SNTB1: variants seen among roughly 807,000 people sequenced by gnomAD.
SNTB1 encodes beta-1-syntrophin.
Under a neutral mutation model 48.9 loss-of-function variants are expected in SNTB1, and 36 were observed. The ratio of observed to expected loss-of-function variants is 0.74; its 90% CI spans 0.56 to 0.97. The LOEUF is 0.97. SNTB1 is among the 50% of genes least tolerant of loss of function. The pLI is 0.00. For missense variants in SNTB1, 786 were observed against 703.4 expected, an observed-to-expected ratio of 1.12 and a Z score of -1.33; for synonymous variants, 299 against 294.6, an observed-to-expected ratio of 1.01 and a Z score of -0.15.
intron 3 of SNTB1, among the ~76,000 whole-genome samples, chr8:120,578,134 C>T (rs1331817215): frequency 6.6e-6 from 1 of 151,886 alleles, no homozygotes; most frequent in Non-Finnish European, 1.5e-5. Flanking sequence ...CTGGGGTTCA[C>T]GCCATTCTCC....
At chr8:120,631,341 A>C (rs1216033835) in intron 3 of SNTB1, among the ~76,000 whole-genome samples, 1 of 152,138 alleles carries the variant, frequency 6.6e-6, no homozygotes, top group East Asian at 1.9e-4. Context: ...GTTCTTTGAA[A>C]TCTTTGAGAG....
chr8:120,639,679 A>C (rs1328134023), intron 2 of SNTB1, among the ~76,000 whole-genome samples: 5 of 152,280 alleles, frequency 3.3e-5, no homozygotes, highest in African/African-American at 1.2e-4. Context: ...GTCAAAGATC[A>C]GATGGTTGTA....
chr8:120,594,217 C>A lies in SNTB1; in HGVS notation c.997-18992G>T, dbSNP rs141947096. Among the ~76,000 whole-genome samples the A allele has an allele frequency of 9.2e-3, 1,398 of 152,050 alleles. 12 individuals carry two copies. The highest frequency in any genetic ancestry group is 0.014 in the Non-Finnish European group (983 of 67,970). On this transcript the variant is annotated intron_variant, in intron 3 of 6. Transcript: ENST00000517992. ...TCGCTGGCACTACAGGGGCATCCCACCGCACTGAGCTATTATGTATGTATG... is the reference window on the plus strand; with the variant it reads ...TCGCTGGCACTACAGGGGCATCCCAACGCACTGAGCTATTATGTATGTATG...
At chr8:120,637,707 T>A in intron 2 of SNTB1, 1 of 444,598 alleles carries the variant, frequency 2.2e-6, no homozygotes, top group East Asian at 6.8e-5. Flanking sequence ...GCTGCACTTA[T>A]GCCTGTTGAA....
At chr8:120,791,123 T>G (rs1346481905) in intron 1 of SNTB1, among the ~76,000 whole-genome samples, 1 of 151,720 alleles carries the variant, frequency 6.6e-6, no homozygotes. Flanking sequence ...CATAGACCAT[T>G]GGAACAGACT....
intron 1 of SNTB1, among the ~76,000 whole-genome samples, chr8:120,703,280 A>C (rs1490128795): frequency 6.6e-6 from 1 of 152,198 alleles, no homozygotes; most frequent in Non-Finnish European, 1.5e-5. Flanking sequence ...GCGCAGCACC[A>C]CACCTGGCTG....
At chr8:120,795,546 T>G (rs1281747050) in intron 1 of SNTB1, among the ~76,000 whole-genome samples, 1 of 152,092 alleles carries the variant, frequency 6.6e-6, no homozygotes, top group East Asian at 1.9e-4. Context: ...TGCTAGAATT[T>G]AGTTACTATT....
intron 4 of SNTB1, among the ~76,000 whole-genome samples, chr8:120,558,040 C>T (rs1815595573): frequency 6.6e-6 from 1 of 152,172 alleles, no homozygotes; most frequent in South Asian, 2.1e-4. Flanking sequence ...TTTCACAAAT[C>T]GTCATTTGGA....
At chr8:120,656,446 T>C (rs1433163153) in intron 2 of SNTB1, among the ~76,000 whole-genome samples, 1 of 152,226 alleles carries the variant, frequency 6.6e-6, no homozygotes, top group Admixed American at 6.5e-5. Flanking sequence ...TAGTTTTAGA[T>C]GAAAAGTCAG....
intron 2 of SNTB1, among the ~76,000 whole-genome samples, chr8:120,653,931 C>CG (rs1238250240): frequency 4.7e-5 from 7 of 149,210 alleles, no homozygotes; most frequent in Non-Finnish European, 1.0e-4. Context: ...CCCAGCTACT[C>CG]GGGGGGTCTG....
At chr8:120,610,035 C>A (rs1816594695) in intron 3 of SNTB1, among the ~76,000 whole-genome samples, 1 of 152,220 alleles carries the variant, frequency 6.6e-6, no homozygotes, top group Admixed American at 6.5e-5. Flanking sequence ...TTCTCCTGAT[C>A]TCACATTTTT....
intron 3 of SNTB1, among the ~76,000 whole-genome samples, chr8:120,577,505 G>A (rs1369598774): frequency 6.6e-6 from 1 of 152,052 alleles, no homozygotes; most frequent in African/African-American, 2.4e-5. Flanking sequence ...TAGGGGGAAG[G>A]GGGTTCAGAA....
intron 1 of SNTB1, among the ~76,000 whole-genome samples, chr8:120,740,097 C>T (rs1264495380): frequency 2.6e-5 from 4 of 152,082 alleles, no homozygotes; most frequent in Non-Finnish European, 4.4e-5. Flanking sequence ...AGGGTGGATA[C>T]TTAGATTCTT....
At chr8:120,723,382 C>T (rs1351498743) in intron 1 of SNTB1, among the ~76,000 whole-genome samples, 2 of 152,066 alleles carry the variant, frequency 1.3e-5, no homozygotes, top group African/African-American at 4.8e-5. Context: ...AGTAAATATG[C>T]CAATGCTACA....
At position 120,548,887 on chromosome 8, in the gene SNTB1, C is replaced by G. The variant is rs752407948; in HGVS notation, c.1208G>C (p.Gly403Ala). Residue 403 changes from glycine (G) to alanine (A), a missense_variant, in exon 5 of 7, where the codon GGT becomes GCT. Gly to Ala is a moderately conservative substitution (Grantham distance 60). Coordinates refer to ENST00000517992, the MANE Select transcript of SNTB1 (RefSeq NM_021021.4). ...GVDLSFATRT[G>A]TRQGIETHLF... ...ATGTGTTTCAATCCCTTGCCTGGTA[C>G]CAGTTCGCGTTGCAAAGGACAGATC... 6.2e-7 allele frequency: 1 copy of G among 1,613,082 alleles called. No homozygotes were observed. The highest frequency in any genetic ancestry group is 2.2e-5 in the East Asian group (1 of 44,820).
intron 2 of SNTB1, 53 bp from the exon 3 acceptor site, chr8:120,632,704 G>A (rs757339811): frequency 2.8e-5 from 41 of 1,473,672 alleles, no homozygotes; most frequent in East Asian, 2.5e-4. Context: ...GTCCTGCTTC[G>A]TCAAGATCTG....
At chr8:120,655,648 C>T (rs1817489115) in intron 2 of SNTB1, among the ~76,000 whole-genome samples, 1 of 152,188 alleles carries the variant, frequency 6.6e-6, no homozygotes, top group Non-Finnish European at 1.5e-5. Context: ...GTTTTGAAAG[C>T]AGGGAACATA....
intron 1 of SNTB1, among the ~76,000 whole-genome samples, chr8:120,704,907 T>G (rs924137106): frequency 2.6e-5 from 4 of 152,224 alleles, no homozygotes; most frequent in African/African-American, 9.6e-5. Context: ...TGTTAAAAGC[T>G]GTTGATAAGA....
At chr8:120,550,679 C>T (rs1260281705) in intron 4 of SNTB1, among the ~76,000 whole-genome samples, 2 of 151,912 alleles carry the variant, frequency 1.3e-5, no homozygotes, top group Non-Finnish European at 2.9e-5. Flanking sequence ...AGATTAAGCT[C>T]AATTCATTCA....
Sources: allele counts gnomAD v4.1 joint callset (sites outside exome capture counted in the v4.1 genomes callset), GRCh38; gene constraint gnomAD v4.1.1; transcripts MANE v1.5; gene names NCBI Gene and HGNC (gene_info 2026-07-23, HGNC 2026-07-21).